The following CELSR1 variants were observed in gnomAD, a reference collection of about 807,000 sequenced individuals.
CELSR1 encodes adhesion G protein-coupled receptor C1.
A neutral mutation model predicts 249.1 loss-of-function variants in CELSR1; 110 were observed. The observed-to-expected ratio is 0.44, with a 90% confidence interval of 0.38 to 0.52. The LOEUF is 0.52. CELSR1 is among the 20% of genes least tolerant of loss of function. CELSR1 has a pLI of 0.00. For synonymous variants in CELSR1, 2,113 were observed against 1,900.0 expected, an observed-to-expected ratio of 1.11 and a Z score of -2.92; for missense variants, 4,109 against 4,296.4, an observed-to-expected ratio of 0.96 and a Z score of 1.22.
In CELSR1 at chr22:46,390,625, A is replaced by C. The variant is rs2079080049; in HGVS notation, c.6251-139T>G. The C allele has an allele frequency of 7.8e-6, 5 of 644,428 alleles. No homozygotes were observed. 39.9% of individuals were successfully genotyped at this position (644,428 alleles called of 1,614,324 possible). A position where few individuals can be genotyped will look rare whatever the true frequency, so the allele number is the denominator to read the frequency against. On this transcript the variant is annotated intron_variant, in intron 16 of 34. Transcript: ENST00000674500. The surrounding 1 kb of genome is among the most constrained non-coding windows in gnomAD (Gnocchi z 6.3). ...GAACCCCATGGGGGCCAGGAGGTCG[A>C]CACCAGCGCCCCTCTTTCATGTCAG...
rs770223437 is a variant in CELSR1, at chr22:46,366,434, A to C, written c.8252T>G (p.Leu2751Arg). Residue 2751 changes from leucine to arginine, a missense_variant, in exon 30 of 35, where the codon CTG becomes CGG. Coordinates refer to ENST00000674500, the MANE Select transcript of CELSR1 (RefSeq NM_001378328.1). The part of the protein sequence containing the change: ...NTTFGDGPDM[L>R]RTDLGESTAS... ...GGTGGACTCGCCCAAGTCTGTGCGC[A>C]GCATGTCAGGCCCGTCACCGAAGGT... 2 of 1,550,318 alleles carry C rather than the reference A, an allele frequency of 1.3e-6. No homozygotes were observed. The highest frequency in any genetic ancestry group is 1.7e-6 in the Non-Finnish European group (2 of 1,146,730).
Position 46,506,967 on chromosome 22 carries a change from C to T in CELSR1, c.3544+26660G>A, listed in dbSNP as rs554973375. On this transcript the variant is annotated intron_variant, in intron 1 of 34. Transcript: ENST00000674500. The surrounding 1 kb of genome is among the most constrained non-coding windows in gnomAD (Gnocchi z 4.1). ...ATCCCAGCACTTTGGGAGGCCGAGG[C>T]GGGTGGATCACCTGAGGTCAGGAGC... is the stretch of plus-strand genomic sequence containing the variant. 3.9e-5 allele frequency among the ~76,000 whole-genome samples: 6 copies of T among 152,204 alleles called. No individual in the cohort carries two copies. In the South Asian group the frequency reaches 6.2e-4, roughly 16 times the overall value.
intron 1 of CELSR1, among the ~76,000 whole-genome samples, chr22:46,531,217 A>G (rs2080788958): frequency 6.6e-6 from 1 of 150,806 alleles, no homozygotes; most frequent in Admixed American, 6.6e-5. Context: ...TTATTTATTT[A>G]TTTATTTTGA....
At chr22:46,461,162 A>T (rs1047116538) in intron 2 of CELSR1, among the ~76,000 whole-genome samples, 1 of 152,194 alleles carries the variant, frequency 6.6e-6, no homozygotes, top group African/African-American at 2.4e-5. Flanking sequence ...GAAAGAGGGA[A>T]AAGGGGAGGA....
Position 46,381,721 on chromosome 22 carries a change from G to A in CELSR1, c.7088+125C>T. The A allele has an allele frequency of 1.1e-6, 1 of 915,498 alleles. No homozygotes were observed. 56.7% of individuals were successfully genotyped at this position (915,498 alleles called of 1,614,324 possible). On this transcript the variant is annotated intron_variant, in intron 21 of 34. Transcript: ENST00000674500. This position sits in a 1 kb window ranked among gnomAD's most constrained non-coding sequence, Gnocchi z 6.0. ...ACAAGGCAATGGTCTCTGTCTCTGG[G>A]CCAGGGTCACGGTGAAATGTCACTG...
chr22:46,375,571 T>A (rs1602040580), intron 24 of CELSR1, among the ~76,000 whole-genome samples: 1 of 136,344 alleles, frequency 7.3e-6, no homozygotes, highest in Non-Finnish European at 1.6e-5. Context: ...TGAGACAGGG[T>A]CTCACTCTAT....
chr22:46,509,146 G>T (rs928912514), intron 1 of CELSR1, among the ~76,000 whole-genome samples: 1 of 152,138 alleles, frequency 6.6e-6, no homozygotes, highest in South Asian at 2.1e-4. Flanking sequence ...GGGGGGCTGC[G>T]AGGACACTTC....
At chr22:46,479,176 G>A (rs980335723) in intron 1 of CELSR1, among the ~76,000 whole-genome samples, 6 of 151,756 alleles carry the variant, frequency 4.0e-5, no homozygotes, top group Non-Finnish European at 5.9e-5. Context: ...TGCAGCATCC[G>A]CCGACGGACG....
rs572808091 is a variant in CELSR1 at position 46,391,097 on chromosome 22, G to A, written c.6250+89C>T. 3.9e-5 allele frequency: 42 copies of A among 1,086,922 alleles called. No individual in the cohort carries two copies. The highest frequency in any genetic ancestry group is 2.8e-5 in the South Asian group (2 of 70,970). The allele number at this position is 1,086,922 out of a possible 1,614,324, so 67.3% of individuals were successfully genotyped here. Reference sequence around the variant, plus strand: ...TTGCCTGCGGATATTTTTTCAACACGAAACATTCCATGAGTCCCCACATCT... The same window carrying A: ...TTGCCTGCGGATATTTTTTCAACACAAAACATTCCATGAGTCCCCACATCT... On this transcript the variant is annotated intron_variant, in intron 16 of 34. Coordinates refer to ENST00000674500, the MANE Select transcript of CELSR1 (RefSeq NM_001378328.1). This position sits in a 1 kb window ranked among gnomAD's most constrained non-coding sequence, Gnocchi z 4.3.
Position 46,534,339 on chromosome 22 carries a change from C to G in CELSR1, c.2832G>C (p.Glu944Asp), listed in dbSNP as rs1414492234. Residue 944 changes from glutamate to aspartate, a missense_variant, in exon 1 of 35, where the codon GAG (glutamate) becomes GAC (aspartate). This residue lies in a region of CELSR1 where 886 missense variants were observed against 896.5 expected (regional missense o/e 0.99). Transcript: ENST00000674500. This position sits in a 1 kb window ranked among gnomAD's most constrained non-coding sequence, Gnocchi z 9.7. ...GDDGDGDFYI[E>D]PTSGVIRTQR... The stretch of plus-strand genomic sequence containing the variant: ...GGGTGCGAATCACACCGGACGTGGG[C>G]TCGATGTAGAAGTCCCCATCGCCGT... 3.7e-6 allele frequency: 6 copies of G among 1,612,922 alleles called. No homozygotes were observed. Among genetic ancestry groups the G allele is most frequent in the African/African-American group, 1.3e-5 (1 of 74,944 alleles).
At chr22:46,460,164 A>G (rs2080004660) in intron 2 of CELSR1, among the ~76,000 whole-genome samples, 2 of 149,362 alleles carry the variant, frequency 1.3e-5, no homozygotes, top group Non-Finnish European at 3.0e-5. Context: ...TGACACAGTG[A>G]GACTCAGTCT....
intron 20 of CELSR1, among the ~76,000 whole-genome samples, chr22:46,382,774 G>A (rs1047276762): frequency 6.6e-6 from 1 of 152,178 alleles, no homozygotes; most frequent in Non-Finnish European, 1.5e-5. Flanking sequence ...GCGGACATTA[G>A]GCTCGGTGAA....
chr22:46,366,574 C>A (rs1315496060), intron 29 of CELSR1, 94 bp from the exon 30 acceptor site: 5 of 1,020,744 alleles, frequency 4.9e-6, no homozygotes, highest in Non-Finnish European at 6.0e-6. Flanking sequence ...GCCCCCCACA[C>A]CCACACCCTG....
intron 1 of CELSR1, among the ~76,000 whole-genome samples, chr22:46,467,097 A>G (rs1689728807): frequency 6.6e-6 from 1 of 152,260 alleles, no homozygotes; most frequent in South Asian, 2.1e-4. Flanking sequence ...TGGCAGCCCT[A>G]GCAGACTGAC....
At chr22:46,478,875 A>G (rs1445283724) in intron 1 of CELSR1, among the ~76,000 whole-genome samples, 2 of 151,886 alleles carry the variant, frequency 1.3e-5, no homozygotes, top group African/African-American at 2.4e-5. Flanking sequence ...CTTAGTAAAC[A>G]CAGCAACGAG....
rs372904848 is a variant in CELSR1 at position 46,422,766 on chromosome 22, C to CAAAAAAA, written c.4611+10620_4611+10626dup. Among the ~76,000 whole-genome samples the CAAAAAAA allele has an allele frequency of 1.0e-3, 103 of 99,334 alleles. 4 individuals are homozygous for CAAAAAAA. The highest frequency in any genetic ancestry group is 4.2e-3 in the African/African-American group (98 of 23,570). 65.2% of individuals were successfully genotyped at this position (99,334 alleles called of 152,430 possible). On this transcript the variant is annotated intron_variant, in intron 5 of 34. Coordinates refer to ENST00000674500, the MANE Select transcript of CELSR1 (RefSeq NM_001378328.1). The stretch of plus-strand genomic sequence containing the variant: ...TGGGCGACAGAGCGAGACTCCATCT[C>CAAAAAAA]AAAAAAAAAAAAAATGGCTCATAGT...
chr22:46,364,752 G>A lies in CELSR1; in HGVS notation c.8555-16C>T, dbSNP rs557257012. 3.3e-5 allele frequency: 53 copies of A among 1,606,786 alleles called. No homozygotes were observed. The highest frequency in any genetic ancestry group is 2.0e-4 in the Admixed American group (12 of 59,742). On this transcript the variant is annotated splice_polypyrimidine_tract_variant and intron_variant, in intron 32 of 34. Coordinates refer to ENST00000674500, the MANE Select transcript of CELSR1 (RefSeq NM_001378328.1). Reference sequence around the variant, plus strand: ...ACAGCGTCCCCTGAGGCACGAGAGCGGTGCTCAGCAGGCAGCGGCACTGCC... The same window carrying A: ...ACAGCGTCCCCTGAGGCACGAGAGCAGTGCTCAGCAGGCAGCGGCACTGCC...
chr22:46,509,684 T>C (rs911385460), intron 1 of CELSR1, among the ~76,000 whole-genome samples: 2 of 151,738 alleles, frequency 1.3e-5, no homozygotes, highest in Non-Finnish European at 2.9e-5. Context: ...TCAGCTCAAG[T>C]GAGTAGTGAG....
intron 1 of CELSR1, among the ~76,000 whole-genome samples, chr22:46,508,876 C>T (rs2080543709): frequency 5.3e-5 from 8 of 152,296 alleles, no homozygotes; most frequent in Admixed American, 4.6e-4. Context: ...GACCGCCATG[C>T]AGTCAGACCC....
Sources: allele counts gnomAD v4.1 joint callset (sites outside exome capture counted in the v4.1 genomes callset), GRCh38; gene constraint gnomAD v4.1.1; regional missense constraint gnomAD v4.1.1; non-coding constraint Gnocchi (gnomAD v3.1); transcripts MANE v1.5; gene names NCBI Gene and HGNC (gene_info 2026-07-23, HGNC 2026-07-21).